The following SPTAN1 variants were observed in gnomAD, a reference collection of about 807,000 sequenced individuals.
SPTAN1 encodes spectrin alpha, non-erythrocytic 1.
Under a neutral mutation model 331.3 loss-of-function variants are expected in SPTAN1, and 61 were observed. The observed-to-expected ratio is 0.18, with a 90% CI of 0.15 to 0.23. SPTAN1 has a LOEUF of 0.23. SPTAN1 is among the 10% of genes least tolerant of loss of function. SPTAN1 has a pLI of 1.00. For synonymous variants in SPTAN1, 1,153 were observed against 1,173.9 expected (o/e 0.98, Z 0.36); for missense variants, 2,043 against 3,147.9 (o/e 0.65, Z 8.40).
At position 128,552,608 on chromosome 9, in the gene SPTAN1, A is replaced by G. The variant is rs1848250680; in HGVS notation, c.-92A>G. ...CGCCGCCACTACCCGCTGCGGAGTG[A>G]ACGGTGTGGAGCGGAGGCCGCGGAG... On this transcript the variant is annotated 5_prime_UTR_variant, in exon 1 of 57. Transcript: ENST00000372739. The surrounding 1 kb of genome is among the most constrained non-coding windows in gnomAD (Gnocchi z 4.6). The G allele has an allele frequency of 6.6e-6, 1 of 150,970 alleles. No homozygotes were observed. The highest frequency in any genetic ancestry group is 1.5e-5 in the Non-Finnish European group (1 of 67,606). The allele number at this position is 150,970 out of a possible 1,614,324, so 9.4% of individuals were successfully genotyped here. A position where few individuals can be genotyped will look rare whatever the true frequency, so the allele number is the denominator to read the frequency against.
Position 128,605,109 on chromosome 9 carries a change from C to A in SPTAN1, c.3795C>A (p.Leu1265=), listed in dbSNP as rs752391374. The change falls in exon 30 of 57, where the codon CTC becomes CTA. Residue 1265 remains leucine (L), a synonymous_variant. Transcript: ENST00000372739. ...ACACAGACAATTATGGACATGATCT[C>A]GCCAGTGTCCAGGCCCTGCAACGCA... ...ALNTDNYGHD[L]ASVQALQRKH... The A allele has an allele frequency of 6.2e-6, 10 of 1,613,698 alleles. No individual in the cohort carries two copies. The South Asian group carries it at 1.1e-4, about 18-fold the overall frequency.
intron 3 of SPTAN1, among the ~76,000 whole-genome samples, chr9:128,572,970 A>G (rs1293469533): frequency 6.6e-6 from 1 of 152,134 alleles, no homozygotes; most frequent in Non-Finnish European, 1.5e-5. Context: ...TCTCCTTTCA[A>G]GTAAAACATC....
chr9:128,583,270 C>T lies in SPTAN1; in HGVS notation c.2000C>T (p.Thr667Ile). The change falls in exon 15 of 57, where the codon ACT (threonine) becomes ATT (isoleucine). Residue 667 changes from threonine to isoleucine, a missense_variant. Coordinates refer to ENST00000372739, the MANE Select transcript of SPTAN1 (RefSeq NM_001130438.3). Reference protein sequence around the residue: ...ISLWKKLLEATELKGIKLREA... With the variant: ...ISLWKKLLEAIELKGIKLREA... ...TTGTGGAAGAAACTGCTAGAGGCCA[C>T]TGAACTGAAAGGTAAGAGATGTTCC... The T allele has an allele frequency of 1.2e-6, 2 of 1,613,696 alleles. No individual in the cohort carries two copies. The highest frequency in any genetic ancestry group is 1.7e-6 in the Non-Finnish European group (2 of 1,179,974).
At chr9:128,628,020 G>T in intron 51 of SPTAN1, 78 bp downstream of exon 51, 1 of 1,581,708 alleles carries the variant, frequency 6.3e-7, no homozygotes, top group South Asian at 1.1e-5. Flanking sequence ...CTGGCTTGTG[G>T]AGGATCCCGG....
chr9:128,596,628 C>T (rs1854331836), intron 24 of SPTAN1: 1 of 152,060 alleles, frequency 6.6e-6, no homozygotes, highest in South Asian at 2.1e-4. Flanking sequence ...ATTCTTACAA[C>T]AAATTAAAAT....
intron 3 of SPTAN1, among the ~76,000 whole-genome samples, chr9:128,573,994 C>T (rs1589173812): frequency 6.6e-6 from 1 of 152,200 alleles, no homozygotes. Context: ...ACCTCGTGCT[C>T]TGCCCGCCTC....
chr9:128,614,475 G>T (rs1034765642), intron 40 of SPTAN1, among the ~76,000 whole-genome samples: 1 of 151,720 alleles, frequency 6.6e-6, no homozygotes, highest in African/African-American at 2.4e-5. Context: ...TATAAATCCC[G>T]GCTACTTGGG....
At chr9:128,598,672 C>G (rs1373913679) in intron 25 of SPTAN1, 168 bp downstream of exon 25, 11 of 710,116 alleles carry the variant, frequency 1.5e-5, no homozygotes, top group Non-Finnish European at 2.8e-5. Flanking sequence ...CTTCTTTATA[C>G]CCATATCCCT....
chr9:128,619,115 G>A, intron 44 of SPTAN1, 112 bp downstream of exon 44: 1 of 1,508,576 alleles, frequency 6.6e-7, no homozygotes, highest in Non-Finnish European at 9.1e-7. Flanking sequence ...AGAGCACACA[G>A]GGCCAGCAGC....
chr9:128,589,861 C>T (rs954626804), intron 21 of SPTAN1, among the ~76,000 whole-genome samples: 2 of 152,218 alleles, frequency 1.3e-5, no homozygotes, highest in Non-Finnish European at 2.9e-5. Context: ...AGGCATGAGC[C>T]ACCGCGCCTG....
intron 15 of SPTAN1, among the ~76,000 whole-genome samples, 160 bp from the exon 16 acceptor site, chr9:128,583,628 A>G (rs569190941): frequency 6.6e-6 from 1 of 152,298 alleles, no homozygotes; most frequent in Admixed American, 6.5e-5. Context: ...GAGAAGGTAG[A>G]GCAGAGGCTG....
chr9:128,617,006 G>A (rs1333132111), intron 41 of SPTAN1, among the ~76,000 whole-genome samples: 2 of 152,052 alleles, frequency 1.3e-5, no homozygotes, highest in African/African-American at 2.4e-5. Context: ...GGGAGACCGA[G>A]GTGGGCAGAT....
chr9:128,577,065 T>C lies in SPTAN1; in HGVS notation c.786-64T>C. 1.2e-6 allele frequency: 2 copies of C among 1,613,904 alleles called. No homozygotes were observed. The highest frequency in any genetic ancestry group is 2.2e-5 in the South Asian group (2 of 91,064). On this transcript the variant is annotated intron_variant, in intron 6 of 56. Coordinates refer to ENST00000372739, the MANE Select transcript of SPTAN1 (RefSeq NM_001130438.3). The surrounding 1 kb of genome is among the most constrained non-coding windows in gnomAD (Gnocchi z 4.2). ...CGAGGCTGACTAGGCCTTGGTCCCA[T>C]GGGGTGTTCCTAGTTCTAGGGAGTC...
rs796053322 is a variant in SPTAN1 at position 128,626,419 on chromosome 9, A to G, written c.6308A>G (p.Lys2103Arg). Residue 2103 changes from lysine (K) to arginine (R), a missense_variant, in exon 49 of 57, where the codon AAA becomes AGA. Transcript: ENST00000372739. ...KVEDLFLTFA[K>R]KASAFNSWFE... ...GAGGACCTCTTCCTGACCTTCGCCAAAAAGGCTTCTGCCTTCAACAGCTGG... is the reference window on the plus strand; with the variant it reads ...GAGGACCTCTTCCTGACCTTCGCCAGAAAGGCTTCTGCCTTCAACAGCTGG... 3.2e-5 allele frequency: 52 copies of G among 1,614,070 alleles called. No homozygotes were observed. Among genetic ancestry groups the G allele is most frequent in the Non-Finnish European group, 4.2e-5 (50 of 1,180,042 alleles).
chr9:128,625,709 G>C lies in SPTAN1; in HGVS notation c.6070-60G>C. On this transcript the variant is annotated intron_variant, in intron 47 of 56. Transcript: ENST00000372739. The surrounding 1 kb of genome is among the most constrained non-coding windows in gnomAD (Gnocchi z 4.1). Reference sequence around the variant, plus strand: ...GACATGCTGGTGCCATCTGAGCCTAGGAAGAGCAAGTTCCAGTCCTGTGGA... The same window carrying C: ...GACATGCTGGTGCCATCTGAGCCTACGAAGAGCAAGTTCCAGTCCTGTGGA... The C allele has an allele frequency of 6.5e-7, 1 of 1,546,178 alleles. No individual in the cohort carries two copies. Among genetic ancestry groups the C allele is most frequent in the Non-Finnish European group, 8.9e-7 (1 of 1,123,624 alleles).
chr9:128,632,962 G>C lies in SPTAN1; in HGVS notation c.7308+7G>C. 2 of 1,611,066 alleles carry C rather than the reference G, an allele frequency of 1.2e-6. No individual in the cohort carries two copies. The highest frequency in any genetic ancestry group is 1.7e-6 in the Non-Finnish European group (2 of 1,180,024). On this transcript the variant is annotated splice_region_variant and intron_variant, in intron 56 of 56. Transcript: ENST00000372739. ...CAAGGAGGAGCTCTACCAGGTATGG[G>C]CCTCAGGAGGTGGGTGAAGAGGTGT...
rs750465466 is a variant in SPTAN1 at position 128,609,198 on chromosome 9, C to T, written c.4672C>T (p.Arg1558Trp). ...GESQTLQQFS[R>W]DVDEIEAWIS... Reference sequence around the variant, plus strand: ...ATCTCAAACCCTCCAACAGTTCAGCCGGGATGTGGATGAGATTGAGGCTTG... The same window carrying T: ...ATCTCAAACCCTCCAACAGTTCAGCTGGGATGTGGATGAGATTGAGGCTTG... Residue 1558 changes from arginine (R) to tryptophan (W), a missense_variant, in exon 36 of 57, where the codon CGG (arginine) becomes TGG (tryptophan). Arg to Trp is a moderately radical substitution (Grantham distance 101). This residue lies in a region of SPTAN1 where 323 missense variants were observed against 581.1 expected (regional missense o/e 0.56). Coordinates refer to ENST00000372739, the MANE Select transcript of SPTAN1 (RefSeq NM_001130438.3). The T allele has an allele frequency of 7.4e-6, 12 of 1,614,034 alleles. No homozygotes were observed. Among genetic ancestry groups the T allele is most frequent in the Middle Eastern group, 1.6e-4 (1 of 6,084 alleles).
At chr9:128,599,775 G>T in intron 26 of SPTAN1, 4 of 342,380 alleles carry the variant, frequency 1.2e-5, no homozygotes, top group South Asian at 1.0e-4. Context: ...TTACCCCTTT[G>T]CAGACAATCT....
chr9:128,616,682 G>T (rs191278313), intron 41 of SPTAN1, among the ~76,000 whole-genome samples: 1 of 151,362 alleles, frequency 6.6e-6, no homozygotes, highest in Non-Finnish European at 1.5e-5. Context: ...CAGGATAATC[G>T]CTTGAACCAG....
Sources: gnomAD v4.1 joint callset for allele counts (sites outside exome capture counted in the v4.1 genomes callset) on GRCh38, gnomAD v4.1.1 for gene constraint, gnomAD v4.1.1 regional missense constraint, Gnocchi (gnomAD v3.1) non-coding constraint, MANE v1.5 for transcripts, NCBI Gene and HGNC (gene_info 2026-07-23, HGNC 2026-07-21) for gene names.